Variants in FHL2 observed in about 807,000 individuals in gnomAD.
The protein encoded by FHL2 is four and a half LIM domains protein 2.
In FHL2, 20 loss-of-function variants were observed where a neutral mutation model predicts 32.7. The observed-to-expected ratio is 0.61, with a 90% CI of 0.43 to 0.89. FHL2 has a LOEUF of 0.89. Among genes scored for constraint, FHL2 ranks in the 40% least tolerant of loss-of-function variants. The pLI is 0.00. For missense variants in FHL2, 311 were observed against 358.6 expected (o/e 0.87, Z 1.07); for synonymous variants, 123 against 128.1 (o/e 0.96, Z 0.27).
intron 1 of FHL2, among the ~76,000 whole-genome samples, chr2:105,397,693 A>G (rs1002678394): frequency 6.6e-6 from 1 of 152,230 alleles, no homozygotes; most frequent in Non-Finnish European, 1.5e-5. Context: ...AACACCGTGG[A>G]AACACAATTC....
At chr2:105,379,048 G>A (rs763068027) in intron 3 of FHL2, among the ~76,000 whole-genome samples, 10 of 152,140 alleles carry the variant, frequency 6.6e-5, no homozygotes, top group East Asian at 1.9e-4. Flanking sequence ...CCAGGAGCAC[G>A]TGATTAAATT....
intron 1 of FHL2, among the ~76,000 whole-genome samples, chr2:105,397,402 T>G (rs934104450): frequency 1.3e-5 from 2 of 152,180 alleles, no homozygotes; most frequent in African/African-American, 2.4e-5. Context: ...ACAACATCAT[T>G]GTCCCTGTTT....
intron 4 of FHL2, among the ~76,000 whole-genome samples, chr2:105,371,694 T>C (rs1259341958): frequency 6.6e-6 from 1 of 152,222 alleles, no homozygotes; most frequent in East Asian, 1.9e-4. Context: ...ATATGCATAC[T>C]TTTTATGTCA....
At chr2:105,399,150 C>G (rs1230212236), upstream of FHL2, 6 of 1,364,730 alleles carry the variant, frequency 4.4e-6, no homozygotes, top group Non-Finnish European at 5.6e-6. Context: ...GCGTGGGGCG[C>G]GGGGGGCGGG....
chr2:105,415,245 G>GA (rs1683900037), intron 1 of FHL2, among the ~76,000 whole-genome samples: 1 of 152,204 alleles, frequency 6.6e-6, no homozygotes, highest in African/African-American at 2.4e-5. Context: ...AGTGAAAGAG[G>GA]AAAGTGCAAG....
chr2:105,413,046 G>A (rs1196042836), intron 1 of FHL2, among the ~76,000 whole-genome samples: 1 of 152,222 alleles, frequency 6.6e-6, no homozygotes, highest in East Asian at 1.9e-4. Flanking sequence ...TAATGGTGTA[G>A]AAGGACAGGA....
At chr2:105,376,267 C>A (rs1288981103) in intron 3 of FHL2, 1 of 152,200 alleles carries the variant, frequency 6.6e-6, no homozygotes, top group African/African-American at 2.4e-5. Flanking sequence ...AAGTTATTTC[C>A]ACTGAACCAG....
At chr2:105,422,862 C>T (rs895830600) in intron 1 of FHL2, among the ~76,000 whole-genome samples, 2 of 152,134 alleles carry the variant, frequency 1.3e-5, no homozygotes, top group Non-Finnish European at 1.5e-5. Context: ...CACTGTTTTT[C>T]GTTCTGACAG....
chr2:105,383,565 C>T (rs1161960319), intron 3 of FHL2, among the ~76,000 whole-genome samples: 2 of 152,070 alleles, frequency 1.3e-5, no homozygotes, highest in Non-Finnish European at 2.9e-5. Context: ...ATAGGCATGC[C>T]AACATTTAAA....
intron 3 of FHL2, among the ~76,000 whole-genome samples, chr2:105,381,617 A>C (rs2104567358): frequency 6.6e-6 from 1 of 152,256 alleles, no homozygotes; most frequent in African/African-American, 2.4e-5. Flanking sequence ...CTTCTCATGA[A>C]ATCCATCCAG....
At chr2:105,389,778 T>G (rs1403167063) in intron 2 of FHL2, 1 of 152,252 alleles carries the variant, frequency 6.6e-6, no homozygotes, top group Non-Finnish European at 1.5e-5. Context: ...CTACAGCCTC[T>G]GTTAATGTCT....
intron 3 of FHL2, among the ~76,000 whole-genome samples, chr2:105,382,205 T>G (rs1205458575): frequency 6.6e-6 from 1 of 152,206 alleles, no homozygotes; most frequent in Non-Finnish European, 1.5e-5. Flanking sequence ...GTGAAACAAC[T>G]TGAGCCTCAA....
Position 105,397,194 on chromosome 2 carries a change from C to T in FHL2, c.-75-497G>A, listed in dbSNP as rs775740312. Among the ~76,000 whole-genome samples the T allele has an allele frequency of 5.3e-5, 8 of 151,884 alleles. No individual in the cohort carries two copies. The East Asian group carries it at 9.6e-4, about 18-fold the overall frequency. ...ATATTCAAATGTTCCTCCCGTGGTG[C>T]GTTTAGTGGTTAGAACTCAGGTTCT... is the stretch of plus-strand genomic sequence containing the variant. On this transcript the variant is annotated intron_variant, in intron 1 of 6. Coordinates refer to ENST00000530340, the MANE Select transcript of FHL2 (RefSeq NM_001318895.3).
At chr2:105,384,072 G>A (rs1682113751) in intron 3 of FHL2, among the ~76,000 whole-genome samples, 1 of 152,148 alleles carries the variant, frequency 6.6e-6, no homozygotes, top group Admixed American at 6.5e-5. Flanking sequence ...TAAATCACTG[G>A]AGAAACAGCA....
At chr2:105,384,501 C>T (rs1025906661) in intron 3 of FHL2, among the ~76,000 whole-genome samples, 1 of 152,056 alleles carries the variant, frequency 6.6e-6, no homozygotes, top group African/African-American at 2.4e-5. Context: ...CCCTGGTTCT[C>T]CCCAGTTTTT....
At chr2:105,380,382 C>A (rs972469742) in intron 3 of FHL2, among the ~76,000 whole-genome samples, 2 of 152,166 alleles carry the variant, frequency 1.3e-5, no homozygotes, top group African/African-American at 4.8e-5. Context: ...TCTATCTGTT[C>A]TGTCTGTCTA....
intron 1 of FHL2, among the ~76,000 whole-genome samples, chr2:105,421,783 C>T (rs1402082770): frequency 6.6e-6 from 1 of 152,200 alleles, no homozygotes; most frequent in Non-Finnish European, 1.5e-5. Context: ...CAAATGGAGG[C>T]ACTTCTGTGA....
intron 3 of FHL2, 49 bp downstream of exon 3, chr2:105,386,312 G>C (rs200458193): frequency 1.3e-6 from 2 of 1,593,990 alleles, no homozygotes; most frequent in African/African-American, 1.3e-5. Flanking sequence ...AGAGAAACCC[G>C]TGTTTCCTAG....
rs7589044 is a variant in FHL2, at chr2:105,412,065, A to G, written c.-24-25525T>C. On this transcript the variant is annotated intron_variant, in intron 1 of 5. Transcript: ENST00000393352. ...CCGGTCAAGGTTAAGATATGAAAGT[A>G]TACCCCACTTCTGGGTATATATCTA... Among the ~76,000 whole-genome samples the G allele has an allele frequency of 9.4e-3, 1,426 of 152,344 alleles. 22 individuals are homozygous for G. The highest frequency in any genetic ancestry group is 0.032 in the African/African-American group (1,341 of 41,584).
Sources: allele counts gnomAD v4.1 joint callset (sites outside exome capture counted in the v4.1 genomes callset), GRCh38; gene constraint gnomAD v4.1.1; transcripts MANE v1.5; gene names NCBI Gene and HGNC (gene_info 2026-07-23, HGNC 2026-07-21).